The following MACROD2 variants were observed in gnomAD, a reference collection of about 807,000 sequenced individuals.
The protein encoded by MACROD2 is ADP-ribose glycohydrolase MACROD2.
A neutral mutation model predicts 70.4 loss-of-function variants in MACROD2; 36 were observed. The ratio of observed to expected loss-of-function variants is 0.51; its 90% CI spans 0.39 to 0.68. The LOEUF (loss-of-function observed/expected upper bound fraction) is 0.68. Among genes scored for constraint, MACROD2 ranks in the 30% least tolerant of loss-of-function variants. MACROD2 has a pLI of 0.00. For missense variants in MACROD2, 496 were observed against 538.4 expected, an observed-to-expected ratio of 0.92 and a Z score of 0.78; for synonymous variants, 172 against 178.8, an observed-to-expected ratio of 0.96 and a Z score of 0.30.
intron 5 of MACROD2, among the ~76,000 whole-genome samples, chr20:14,763,255 C>T (rs956206427): frequency 2.0e-5 from 3 of 152,210 alleles, no homozygotes; most frequent in Admixed American, 6.5e-5. Context: ...GAAAGGTATT[C>T]ACAACATACA....
rs375137928 is a variant in MACROD2, at chr20:15,724,484, G to GTT, written c.646-138255_646-138254dup. ...GTCTTTGTCTAAATTCATTTTTTTT[G>GTT]TTTTTTTGTTTTGCATGTGAATGTC... On this transcript the variant is annotated intron_variant, in intron 8 of 17. Transcript: ENST00000684519. Among the ~76,000 whole-genome samples the GTT allele has an allele frequency of 5.3e-3, 792 of 148,764 alleles. 6 individuals carry two copies. Among genetic ancestry groups the GTT allele is most frequent in the South Asian group, 0.013 (63 of 4,702 alleles).
At chr20:16,044,530 G>A (rs777292882) in intron 16 of MACROD2, 41 bp from the exon 17 acceptor site, 2 of 1,551,702 alleles carry the variant, frequency 1.3e-6, no homozygotes. Context: ...AGAGATTTAG[G>A]TTTAATGAAT....
rs528563491 is a variant in MACROD2, at chr20:15,887,730, AT to A, written c.775+1921del. 1.1e-4 allele frequency among the ~76,000 whole-genome samples: 16 copies of A among 152,314 alleles called. No individual in the cohort carries two copies. In the South Asian group the frequency reaches 3.1e-3, roughly 30 times the overall value. On this transcript the variant is annotated intron_variant, in intron 10 of 17. Transcript: ENST00000684519. ...TAATTTTAGATTTTCTAGTAGCCAC[AT>A]TGAACAAAGTGAAAGGAAGAACGTA... is the stretch of plus-strand genomic sequence containing the variant.
At chr20:14,460,028 A>G (rs981728308) in intron 3 of MACROD2, among the ~76,000 whole-genome samples, 1 of 152,080 alleles carries the variant, frequency 6.6e-6, no homozygotes, top group East Asian at 1.9e-4. Flanking sequence ...TTCCAGCTCC[A>G]TCCATGTACC....
At chr20:15,299,200 A>T (rs1426722219) in intron 6 of MACROD2, among the ~76,000 whole-genome samples, 2 of 152,030 alleles carry the variant, frequency 1.3e-5, no homozygotes, top group Non-Finnish European at 2.9e-5. Context: ...AGTAAATTTC[A>T]CCTAATTTAT....
chr20:15,386,821 T>C (rs16995652), intron 6 of MACROD2, among the ~76,000 whole-genome samples: 13,013 of 152,244 alleles, frequency 0.085, 676 homozygotes, highest in East Asian at 0.21. Context: ...GAGTTAGAGC[T>C]GAACAAAATA....
At chr20:15,943,590 A>G (rs970440702) in intron 12 of MACROD2, among the ~76,000 whole-genome samples, 1 of 152,160 alleles carries the variant, frequency 6.6e-6, no homozygotes, top group African/African-American at 2.4e-5. Flanking sequence ...ACTAAGATAC[A>G]TTGAGTGTCT....
intron 8 of MACROD2, among the ~76,000 whole-genome samples, chr20:15,523,165 A>G (rs1171946820): frequency 6.6e-6 from 1 of 152,228 alleles, no homozygotes; most frequent in Non-Finnish European, 1.5e-5. Flanking sequence ...AGATTCTACA[A>G]GAATTGCCTG....
intron 8 of MACROD2, among the ~76,000 whole-genome samples, chr20:15,777,400 T>A (rs2051739455): frequency 6.6e-6 from 1 of 151,882 alleles, no homozygotes; most frequent in East Asian, 1.9e-4. Context: ...CTAGTCCAAC[T>A]GTCCTATTTT....
chr20:15,617,735 C>T (rs2049058617), intron 8 of MACROD2, among the ~76,000 whole-genome samples: 1 of 152,170 alleles, frequency 6.6e-6, no homozygotes, highest in African/African-American at 2.4e-5. Flanking sequence ...GGAGACATGG[C>T]TTTTGGTCTC....
At chr20:14,589,708 A>G (rs1008819916) in intron 4 of MACROD2, among the ~76,000 whole-genome samples, 1 of 152,152 alleles carries the variant, frequency 6.6e-6, no homozygotes, top group African/African-American at 2.4e-5. Context: ...CTTTGGCTGT[A>G]TTAGACGTGG....
chr20:14,842,020 TTTTG>T (rs150296190), intron 5 of MACROD2, among the ~76,000 whole-genome samples: 7 of 151,652 alleles, frequency 4.6e-5, no homozygotes, highest in East Asian at 3.9e-4. Context: ...AAAAGAGGTT[TTTTG>T]TTTGTTTGTT....
chr20:14,797,065 C>G (rs993339117), intron 5 of MACROD2, among the ~76,000 whole-genome samples: 4 of 151,954 alleles, frequency 2.6e-5, no homozygotes, highest in Admixed American at 2.6e-4. Flanking sequence ...CGATTTTATA[C>G]TCTCCCTTGC....
intron 2 of MACROD2, among the ~76,000 whole-genome samples, chr20:14,042,839 A>G (rs1396741304): frequency 1.3e-5 from 2 of 152,050 alleles, no homozygotes; most frequent in East Asian, 3.9e-4. Flanking sequence ...TGAAGACAGC[A>G]TCAAAGCCCA....
chr20:14,462,284 GTGA>G (rs1568622943), intron 3 of MACROD2, among the ~76,000 whole-genome samples: 1 of 152,136 alleles, frequency 6.6e-6, no homozygotes, highest in Non-Finnish European at 1.5e-5. Context: ...CTGATGACCA[GTGA>G]TGATGAGCAT....
At chr20:15,852,175 C>T (rs985231262) in intron 8 of MACROD2, among the ~76,000 whole-genome samples, 2 of 152,192 alleles carry the variant, frequency 1.3e-5, no homozygotes. Context: ...CAATATGAGG[C>T]AGGCTCGGAA....
chr20:16,013,518 C>A (rs1346340585), intron 15 of MACROD2, among the ~76,000 whole-genome samples: 1 of 152,164 alleles, frequency 6.6e-6, no homozygotes, highest in Non-Finnish European at 1.5e-5. Context: ...TGGGAGAACA[C>A]CTCCAGTCAA....
At chr20:15,213,424 A>AT (rs890941867) in intron 5 of MACROD2, among the ~76,000 whole-genome samples, 50 of 149,750 alleles carry the variant, frequency 3.3e-4, no homozygotes, top group Admixed American at 1.3e-3. Context: ...AGGAGGGACC[A>AT]TTTTTTTTTT....
chr20:14,979,350 G>A (rs1005909468), intron 5 of MACROD2, among the ~76,000 whole-genome samples: 1 of 152,032 alleles, frequency 6.6e-6, no homozygotes, highest in Admixed American at 6.6e-5. Flanking sequence ...TAAAATAAAT[G>A]TGCATTTGGG....
Sources: gnomAD v4.1 joint callset for allele counts (sites outside exome capture counted in the v4.1 genomes callset) on GRCh38, gnomAD v4.1.1 for gene constraint, MANE v1.5 for transcripts, NCBI Gene and HGNC (gene_info 2026-07-23, HGNC 2026-07-21) for gene names.